Variants in AGBL1 observed in about 807,000 individuals in gnomAD.
AGBL1 encodes AGBL carboxypeptidase 1.
In AGBL1, 130 loss-of-function variants were observed where a neutral mutation model predicts 118.9. The observed-to-expected ratio is 1.09, with a 90% CI of 0.95 to 1.26. The LOEUF (loss-of-function observed/expected upper bound fraction) is 1.26. AGBL1 is among the 50% of genes most tolerant of loss of function. AGBL1 has a pLI of 0.00. For missense variants in AGBL1, 1,584 were observed against 1,298.1 expected, an observed-to-expected ratio of 1.22 and a Z score of -3.38; for synonymous variants, 555 against 478.9, an observed-to-expected ratio of 1.16 and a Z score of -2.08.
intron 22 of AGBL1, among the ~76,000 whole-genome samples, chr15:86,729,536 T>A (rs1334371582): frequency 1.3e-5 from 2 of 152,232 alleles, no homozygotes; most frequent in Non-Finnish European, 2.9e-5. Context: ...GTATTTTGTT[T>A]TCTGTTCCTG....
intron 17 of AGBL1, among the ~76,000 whole-genome samples, chr15:86,391,105 C>G (rs114145516): frequency 0.011 from 1,619 of 150,634 alleles, 34 homozygotes; most frequent in African/African-American, 0.038. Context: ...AGGAGAATAT[C>G]GGAGATGACA....
intron 22 of AGBL1, among the ~76,000 whole-genome samples, chr15:86,855,349 C>A (rs763543553): frequency 6.6e-6 from 1 of 152,180 alleles, no homozygotes; most frequent in Non-Finnish European, 1.5e-5. Flanking sequence ...AGCCAGAGCA[C>A]CATATGTTTA....
Position 86,810,414 on chromosome 15 carries a change from C to T in AGBL1, c.3159-96673C>T, listed in dbSNP as rs75445813. On this transcript the variant is annotated intron_variant, in intron 22 of 22. Coordinates refer to ENST00000614907, the MANE Select transcript of AGBL1 (RefSeq NM_001386094.1). ...CAAAGACATGAAATTGCCCATCACT[C>T]TCTCTTCCTCTGCTCCTTGGCATGC... Among the ~76,000 whole-genome samples, 1,359 of 152,256 alleles carry T rather than the reference C, an allele frequency of 8.9e-3. 27 individuals are homozygous for T. Among genetic ancestry groups the T allele is most frequent in the African/African-American group, 0.031 (1,286 of 41,548 alleles).
chr15:86,419,568 T>A (rs999651765), intron 18 of AGBL1, among the ~76,000 whole-genome samples: 2 of 151,894 alleles, frequency 1.3e-5, no homozygotes, highest in South Asian at 4.2e-4. Context: ...GCAGGAGTTT[T>A]TTTTTTTTTC....
rs746219236 is a variant in AGBL1, at chr15:86,269,961, C to T, written c.1881C>T (p.Thr627=). Residue 627 remains threonine (T), a synonymous_variant, in exon 14 of 23, where the codon ACC becomes ACT. Transcript: ENST00000614907. Reference sequence around the variant, plus strand: ...TGGTCAACGCAGATGTGAATAGCACCCAGCACCAGCAGTGGTTCTATTTCA... The same window carrying T: ...TGGTCAACGCAGATGTGAATAGCACTCAGCACCAGCAGTGGTTCTATTTCA... ...DLLVNADVNS[T]QHQQWFYFKV... The T allele has an allele frequency of 6.2e-7, 1 of 1,613,850 alleles. No homozygotes were observed. The highest frequency in any genetic ancestry group is 8.5e-7 in the Non-Finnish European group (1 of 1,179,846).
At chr15:86,635,277 TCCTTCC>T (rs2085058843) in intron 21 of AGBL1, among the ~76,000 whole-genome samples, 1 of 58,142 alleles carries the variant, frequency 1.7e-5, no homozygotes, top group African/African-American at 8.2e-5. Flanking sequence ...CTCCTCCTCC[TCCTTCC>T]CCTCCCCCTC....
chr15:86,695,654 T>C (rs745976484), intron 22 of AGBL1, among the ~76,000 whole-genome samples: 10 of 152,080 alleles, frequency 6.6e-5, no homozygotes, highest in Non-Finnish European at 1.3e-4. Flanking sequence ...TGGTTTGTTC[T>C]TGTTTCTCTA....
chr15:86,321,932 C>A (rs1169673284), intron 17 of AGBL1, among the ~76,000 whole-genome samples: 1 of 151,652 alleles, frequency 6.6e-6, no homozygotes, highest in Non-Finnish European at 1.5e-5. Flanking sequence ...TTAAAATTTT[C>A]AAATATGTGA....
chr15:86,775,547 C>A (rs1567168106), intron 22 of AGBL1, among the ~76,000 whole-genome samples: 1 of 152,012 alleles, frequency 6.6e-6, no homozygotes, highest in Non-Finnish European at 1.5e-5. Flanking sequence ...CTGTCAATAT[C>A]TCATACTCTC....
intron 5 of AGBL1, among the ~76,000 whole-genome samples, chr15:86,182,316 C>T (rs1173258818): frequency 6.6e-6 from 1 of 151,864 alleles, no homozygotes; most frequent in Admixed American, 6.6e-5. Flanking sequence ...CTCCCTTTGT[C>T]ATCTTAGGTT....
In AGBL1 at chr15:86,154,470, T is replaced by G; in HGVS notation, c.303T>G (p.Leu101=). The G allele has an allele frequency of 6.2e-7, 1 of 1,613,006 alleles. No individual in the cohort carries two copies. Among genetic ancestry groups the G allele is most frequent in the Non-Finnish European group, 8.5e-7 (1 of 1,179,494 alleles). Residue 101 remains leucine, a synonymous_variant, in exon 4 of 23, where the codon CTT becomes CTG. Transcript: ENST00000614907. ...GGAAGGCCCTAGAATTGGAAGCACTTGATGTGACATTGATTCTGGCCAGGA... is the reference window on the plus strand; with the variant it reads ...GGAAGGCCCTAGAATTGGAAGCACTGGATGTGACATTGATTCTGGCCAGGA... ...IGRKALELEA[L]DVTLILARKN...
Position 86,305,206 on chromosome 15 carries a change from A to G in AGBL1, c.2374+9798A>G, listed in dbSNP as rs4635310. ...GGATATAAGACGGTGCTAGCCAGGC[A>G]TGACCATGAGTTTGCTATTAAAATT... On this transcript the variant is annotated intron_variant, in intron 17 of 22. Transcript: ENST00000614907. The G allele has an allele frequency of 2.0e-5, 3 of 152,236 alleles. No individual in the cohort carries two copies. The South Asian group carries it at 6.2e-4, about 31-fold the overall frequency. 9.4% of individuals were successfully genotyped at this position (152,236 alleles called of 1,614,324 possible).
chr15:86,364,454 T>C (rs150088556), intron 17 of AGBL1, among the ~76,000 whole-genome samples: 33 of 152,330 alleles, frequency 2.2e-4, no homozygotes, highest in African/African-American at 7.7e-4. Flanking sequence ...TGGTGTTTTA[T>C]TGGCTTATCA....
At chr15:86,977,391 G>GTT (rs201674525) in intron 23 of AGBL1, among the ~76,000 whole-genome samples, 1 of 144,084 alleles carries the variant, frequency 6.9e-6, no homozygotes, top group Non-Finnish European at 1.5e-5. Context: ...CTTTATTAAA[G>GTT]TTTTTTTTTT....
In AGBL1 at chr15:86,142,664, T is replaced by C. The variant is rs573570865; in HGVS notation, c.115+597T>C. Among the ~76,000 whole-genome samples, 278 of 152,276 alleles carry C rather than the reference T, an allele frequency of 1.8e-3. 1 individual carries two copies. The highest frequency in any genetic ancestry group is 6.3e-3 in the African/African-American group (262 of 41,574). On this transcript the variant is annotated intron_variant, in intron 2 of 22. Coordinates refer to ENST00000614907, the MANE Select transcript of AGBL1 (RefSeq NM_001386094.1). ...AGAAATAAATGACACTCCAGACCCA[T>C]AGATCCTCAGGATTATGGTTTCAAG...
intron 19 of AGBL1, among the ~76,000 whole-genome samples, chr15:86,529,817 G>T (rs907016072): frequency 2.0e-5 from 3 of 150,674 alleles, no homozygotes; most frequent in African/African-American, 7.4e-5. Context: ...CATTCTTAAA[G>T]AAAAGAATTT....
intron 5 of AGBL1, among the ~76,000 whole-genome samples, chr15:86,191,676 A>C (rs1476242872): frequency 6.6e-6 from 1 of 152,154 alleles, no homozygotes; most frequent in East Asian, 1.9e-4. Context: ...TGGGTCAGGC[A>C]TCCTTCACTT....
intron 21 of AGBL1, among the ~76,000 whole-genome samples, chr15:86,582,100 A>G (rs576486541): frequency 1.1e-3 from 161 of 152,138 alleles, no homozygotes; most frequent in Non-Finnish European, 1.9e-3. Context: ...TGCAGGTAAC[A>G]CCCCTGTAGT....
rs534515326 is a variant in AGBL1, at chr15:86,962,098, A to G, written c.3222-25889A>G. Among the ~76,000 whole-genome samples the G allele has an allele frequency of 3.3e-5, 5 of 152,278 alleles. No homozygotes were observed. In the East Asian group the frequency reaches 7.7e-4, roughly 24 times the overall value. ...TTTTCTATTACAAATTGCAAATTCA[A>G]TTCTCAAATTCAATTATCCTGGAGA... On this transcript the variant is annotated intron_variant, in intron 23 of 24. Coordinates refer to the AGBL1 transcript ENST00000441037.
Sources: allele counts gnomAD v4.1 joint callset (sites outside exome capture counted in the v4.1 genomes callset), GRCh38; gene constraint gnomAD v4.1.1; transcripts MANE v1.5; gene names NCBI Gene and HGNC (gene_info 2026-07-23, HGNC 2026-07-21).